Variants in NSMAF observed in about 807,000 individuals in gnomAD.
NSMAF encodes protein FAN.
NSMAF carries 90 observed loss-of-function variants against 134.9 expected under a neutral mutation model. That is an observed-to-expected ratio of 0.67 (90% confidence interval 0.56 to 0.79). NSMAF has a LOEUF of 0.79. NSMAF is among the 30% of genes least tolerant of loss of function. The pLI is 0.00. For synonymous variants in NSMAF, 358 were observed against 389.6 expected, an observed-to-expected ratio of 0.92 and a Z score of 0.96; for missense variants, 1,010 against 1,119.0, an observed-to-expected ratio of 0.90 and a Z score of 1.39.
intron 27 of NSMAF, 102 bp downstream of exon 27, chr8:58,587,516 C>T (rs1805912929): frequency 7.2e-6 from 6 of 835,534 alleles, no homozygotes; most frequent in Non-Finnish European, 7.7e-6. Flanking sequence ...TTCCATTAAC[C>T]AAATAAAGCA....
chr8:58,590,027 A>T lies in NSMAF; in HGVS notation c.2067T>A (p.Thr689=), dbSNP rs1326191897. The T allele has an allele frequency of 6.2e-7, 1 of 1,613,974 alleles. No individual in the cohort carries two copies. Among genetic ancestry groups the T allele is most frequent in the Non-Finnish European group, 8.5e-7 (1 of 1,179,804 alleles). ...CATACACATTATTATCCCATGAAGA[A>T]GTTATGACAGTGGCATCTCCTGGTA... ...LLLPGDATVI[T]SSWDNNVYFY... is the part of the protein sequence containing the mutation. The change falls in exon 25 of 31, where the codon ACT becomes ACA. Residue 689 remains threonine (T), a synonymous_variant. Coordinates refer to ENST00000038176, the MANE Select transcript of NSMAF (RefSeq NM_003580.4).
rs1461187515 is a variant in NSMAF, at chr8:58,583,589, T to G, written c.*517A>C. ...CCGTTCCTATACACAGTAAACTTAC[T>G]AAGAACTGCTAATCCTTCTCCAGGT... On this transcript the variant is annotated 3_prime_UTR_variant, in exon 31 of 31. Transcript: ENST00000038176. 1 of 158,870 alleles carries G rather than the reference T, an allele frequency of 6.3e-6. No homozygotes were observed. The highest frequency in any genetic ancestry group is 6.5e-5 in the Admixed American group (1 of 15,470). 9.8% of individuals were successfully genotyped at this position (158,870 alleles called of 1,614,324 possible).
intron 23 of NSMAF, among the ~76,000 whole-genome samples, chr8:58,591,933 G>A (rs1359849740): frequency 1.3e-5 from 2 of 152,180 alleles, no homozygotes; most frequent in African/African-American, 4.8e-5. Flanking sequence ...CTTCTGCACA[G>A]TATAACTTAA....
intron 11 of NSMAF, among the ~76,000 whole-genome samples, chr8:58,606,636 C>A (rs920395545): frequency 6.6e-6 from 1 of 152,072 alleles, no homozygotes; most frequent in Non-Finnish European, 1.5e-5. Flanking sequence ...TCAATTAATA[C>A]ATTATTATTA....
chr8:58,616,149 G>A (rs909668701), intron 9 of NSMAF, among the ~76,000 whole-genome samples: 4 of 152,022 alleles, frequency 2.6e-5, no homozygotes, highest in Non-Finnish European at 4.4e-5. Context: ...GAATCCCAAA[G>A]GACACTTTAG....
At chr8:58,601,923 A>G in intron 14 of NSMAF, 135 bp downstream of exon 14, 1 of 669,542 alleles carries the variant, frequency 1.5e-6, no homozygotes, top group African/African-American at 1.8e-5. Context: ...GGTCAGGAGA[A>G]AAGTAAGAAA....
Position 58,597,609 on chromosome 8 carries a change from C to G in NSMAF, c.1629-59G>C, listed in dbSNP as rs1305485614. ...ACTAGGTTCGAGTTCCTTGAAAGCACGCATTTCAAATAGTACTGATCAATA... is the reference window on the plus strand; with the variant it reads ...ACTAGGTTCGAGTTCCTTGAAAGCAGGCATTTCAAATAGTACTGATCAATA... On this transcript the variant is annotated intron_variant, in intron 20 of 30. Transcript: ENST00000038176. 4.7e-6 allele frequency: 7 copies of G among 1,499,060 alleles called. No homozygotes were observed. In the African/African-American group the frequency reaches 8.3e-5, roughly 18 times the overall value. The allele number at this position is 1,499,060 out of a possible 1,614,324, so 92.9% of individuals were successfully genotyped here.
intron 30 of NSMAF, among the ~76,000 whole-genome samples, chr8:58,585,333 T>C (rs1716353895): frequency 6.6e-6 from 1 of 151,224 alleles, no homozygotes; most frequent in Non-Finnish European, 1.5e-5. Flanking sequence ...TTTTTTTCTC[T>C]TTTTTTACTA....
At chr8:58,632,503 A>T (rs28429099) in intron 5 of NSMAF, among the ~76,000 whole-genome samples, 46,775 of 151,968 alleles carry the variant, frequency 0.31, 7,616 homozygotes, top group Non-Finnish European at 0.35. Flanking sequence ...AGTTTTCCAC[A>T]TGGCTTCCTG....
intron 9 of NSMAF, among the ~76,000 whole-genome samples, chr8:58,613,099 T>C (rs1425729166): frequency 2.0e-5 from 3 of 152,164 alleles, no homozygotes; most frequent in Non-Finnish European, 4.4e-5. Context: ...GGAAAAATGA[T>C]ACCAGATGAA....
chr8:58,584,069 T>A lies in NSMAF; in HGVS notation c.*37A>T. ...AAGTTTGGTTTAAAAATGCATTAAA[T>A]AGAGTTCAATTTAATATTCAGGAGA... On this transcript the variant is annotated 3_prime_UTR_variant, in exon 31 of 31. Transcript: ENST00000038176. 1 of 1,468,308 alleles carries A rather than the reference T, an allele frequency of 6.8e-7. No individual in the cohort carries two copies. Among genetic ancestry groups the A allele is most frequent in the African/African-American group, 1.4e-5 (1 of 72,038 alleles). 91.0% of individuals were successfully genotyped at this position (1,468,308 alleles called of 1,614,324 possible). A position where few individuals can be genotyped will look rare whatever the true frequency, so the allele number is the denominator to read the frequency against.
chr8:58,592,048 G>C (rs1388345159), intron 23 of NSMAF, among the ~76,000 whole-genome samples: 1 of 152,154 alleles, frequency 6.6e-6, no homozygotes, highest in Non-Finnish European at 1.5e-5. Context: ...AACGAAAACA[G>C]AAGAATGAAC....
intron 1 of NSMAF, among the ~76,000 whole-genome samples, chr8:58,655,544 T>C (rs1348768365): frequency 1.3e-5 from 2 of 151,976 alleles, no homozygotes; most frequent in Non-Finnish European, 2.9e-5. Flanking sequence ...AAAATAGAAA[T>C]GTCTTAAATA....
intron 9 of NSMAF, among the ~76,000 whole-genome samples, chr8:58,622,274 C>T (rs1034774016): frequency 6.6e-6 from 1 of 152,106 alleles, no homozygotes; most frequent in South Asian, 2.1e-4. Flanking sequence ...TGGGGTCTCA[C>T]TCTGTCTGGA....
intron 26 of NSMAF, chr8:58,588,902 C>G: frequency 1.6e-6 from 1 of 644,244 alleles, no homozygotes; most frequent in South Asian, 1.8e-5. Flanking sequence ...GAATGCTAGA[C>G]CATTCATCCC....
intron 1 of NSMAF, among the ~76,000 whole-genome samples, chr8:58,657,880 C>CTAG (rs1266690761): frequency 6.6e-6 from 1 of 152,192 alleles, no homozygotes; most frequent in Non-Finnish European, 1.5e-5. Context: ...GCCAGCCTAT[C>CTAG]ACGTTGTTGT....
chr8:58,659,211 C>T (rs1402393988), intron 1 of NSMAF: 4 of 1,460,074 alleles, frequency 2.7e-6, no homozygotes, highest in Non-Finnish European at 2.7e-6. Flanking sequence ...CTGCGAACGC[C>T]CGGGCTCGCG....
At position 58,631,519 on chromosome 8, in the gene NSMAF, C is replaced by T. The variant is rs1723221520; in HGVS notation, c.361G>A (p.Val121Ile). The change falls in exon 6 of 31, where the codon GTT becomes ATT. Residue 121 changes from valine (V) to isoleucine (I), a missense_variant. Physicochemically the swap from Val to Ile is conservative, Grantham distance 29 (BLOSUM62 3). Coordinates refer to ENST00000038176, the MANE Select transcript of NSMAF (RefSeq NM_003580.4). ...QVYFIKEHNV[V>I]APYKIERGKM... is the part of the protein sequence containing the mutation. ...ACCCTTTCTATTTTATATGGTGCAA[C>T]AACATTATGTTCTTTAATGAAATAT... The T allele has an allele frequency of 2.0e-6, 3 of 1,510,356 alleles. No individual in the cohort carries two copies. The highest frequency in any genetic ancestry group is 1.2e-5 in the South Asian group (1 of 81,516). The allele number at this position is 1,510,356 out of a possible 1,614,324, so 93.6% of individuals were successfully genotyped here. A position where few individuals can be genotyped will look rare whatever the true frequency, so the allele number is the denominator to read the frequency against.
At chr8:58,622,913 G>A (rs886743876) in intron 9 of NSMAF, among the ~76,000 whole-genome samples, 2 of 152,170 alleles carry the variant, frequency 1.3e-5, no homozygotes, top group Admixed American at 6.5e-5. Flanking sequence ...AGTCAGGTAG[G>A]TGAACTAAAA....
Sources: gnomAD v4.1 joint callset for allele counts (sites outside exome capture counted in the v4.1 genomes callset) on GRCh38, gnomAD v4.1.1 for gene constraint, MANE v1.5 for transcripts, NCBI Gene and HGNC (gene_info 2026-07-23, HGNC 2026-07-21) for gene names.